The following KCNJ9 variants were observed in gnomAD, a reference collection of about 807,000 sequenced individuals.
KCNJ9 encodes potassium inwardly rectifying channel subfamily J member 9.
KCNJ9 carries 18 observed loss-of-function variants against 27.9 expected under a neutral mutation model. The observed-to-expected ratio is 0.65, with a 90% CI of 0.45 to 0.96. The LOEUF (loss-of-function observed/expected upper bound fraction) is 0.96. Among genes scored for constraint, KCNJ9 ranks in the 40% least tolerant of loss-of-function variants. The pLI, the probability that KCNJ9 is intolerant of heterozygous loss-of-function variation, is 0.00. For missense variants in KCNJ9, 324 were observed against 557.5 expected (o/e 0.58, Z 4.22); for synonymous variants, 229 against 248.2 (o/e 0.92, Z 0.73).
chr1:160,084,820 G>T lies in KCNJ9; in HGVS notation c.790G>T (p.Ala264Ser). The T allele has an allele frequency of 6.5e-7, 1 of 1,548,636 alleles. No homozygotes were observed. Among genetic ancestry groups the T allele is most frequent in the Non-Finnish European group, 8.7e-7 (1 of 1,146,076 alleles). ...CCCCTTCTGGGAGGCGTCGCGCCGTGCCCTCGAGAGGGACGACTTCGAGAT... is the reference window on the plus strand; with the variant it reads ...CCCCTTCTGGGAGGCGTCGCGCCGTTCCCTCGAGAGGGACGACTTCGAGAT... ...ASPFWEASRR[A>S]LERDDFEIVV... is the part of the protein sequence containing the mutation. Residue 264 changes from alanine (A) to serine (S), a missense_variant, in exon 2 of 3, where the codon GCC becomes TCC. Ala to Ser is a moderately conservative substitution (Grantham distance 99). This residue lies in a region of KCNJ9 where 241 missense variants were observed against 481.7 expected (regional missense o/e 0.50). Coordinates refer to ENST00000368088, the MANE Select transcript of KCNJ9 (RefSeq NM_004983.3).
rs1649740083 is a variant in KCNJ9 at position 160,084,430 on chromosome 1, G to A, written c.400G>A (p.Glu134Lys). ...CCGCGTCATCACCGACCAGTGCCCC[G>A]AGGGCATCGTGCTGCTGCTGCTGCA... is the stretch of plus-strand genomic sequence containing the variant. ...GHRVITDQCP[E>K]GIVLLLLQAI... Residue 134 changes from glutamate (E) to lysine (K), a missense_variant, in exon 2 of 3, where the codon GAG becomes AAG. Transcript: ENST00000368088. 1.2e-6 allele frequency: 2 copies of A among 1,613,556 alleles called. No homozygotes were observed. Among genetic ancestry groups the A allele is most frequent in the Non-Finnish European group, 1.7e-6 (2 of 1,179,864 alleles).
intron 2 of KCNJ9, 51 bp downstream of exon 2, chr1:160,084,931 C>G: frequency 6.8e-7 from 1 of 1,474,172 alleles, no homozygotes; most frequent in Admixed American, 2.1e-5. Context: ...GTGGGCGGGA[C>G]CGAGGAAGGC....
intron 2 of KCNJ9, among the ~76,000 whole-genome samples, chr1:160,085,932 C>T (rs1170254095): frequency 6.6e-6 from 1 of 152,200 alleles, no homozygotes; most frequent in Non-Finnish European, 1.5e-5. Context: ...CCCAGCTCCG[C>T]ATCACTGTTC....
Position 160,084,439 on chromosome 1 carries a change from GTGC to G in KCNJ9, c.422_424del (p.Leu141del), listed in dbSNP as rs766862369. On this transcript the variant is annotated inframe_deletion, in exon 2 of 3. Transcript: ENST00000368088. ...CACCGACCAGTGCCCCGAGGGCATC[GTGC>G]TGCTGCTGCTGCAGGCCATCCTGGG... is the stretch of plus-strand genomic sequence containing the variant. 6 of 1,613,370 alleles carry G rather than the reference GTGC, an allele frequency of 3.7e-6. No individual in the cohort carries two copies. The highest frequency in any genetic ancestry group is 2.5e-6 in the Non-Finnish European group (3 of 1,179,700).
Position 160,084,666 on chromosome 1 carries a change from G to C in KCNJ9, c.636G>C (p.Ser212=), listed in dbSNP as rs750138341. ...EASIRAKLIR[S]RQTLEGEFIP... is the part of the protein sequence containing the mutation. Reference sequence around the variant, plus strand: ...CCATCCGCGCCAAGCTCATCCGCTCGCGCCAGACGCTGGAGGGCGAGTTCA... The same window carrying C: ...CCATCCGCGCCAAGCTCATCCGCTCCCGCCAGACGCTGGAGGGCGAGTTCA... The change falls in exon 2 of 3, where the codon TCG becomes TCC. Residue 212 remains serine (S), a synonymous_variant. Transcript: ENST00000368088. The C allele has an allele frequency of 2.5e-6, 4 of 1,595,376 alleles. No individual in the cohort carries two copies. In the African/African-American group the frequency reaches 5.4e-5, roughly 21 times the overall value.
rs1159274463 is a variant in KCNJ9 at position 160,090,223 on chromosome 1, A to C, written c.*2406A>C. ...GGATTCATTTGGGTTTCAGTAAAAC[A>C]GGGGGGTCTGGACAAGAGCGGGTGG... On this transcript the variant is annotated 3_prime_UTR_variant, in exon 3 of 3. Transcript: ENST00000368088. 1 of 152,230 alleles carries C rather than the reference A, an allele frequency of 6.6e-6. No individual in the cohort carries two copies. The highest frequency in any genetic ancestry group is 2.4e-5 in the African/African-American group (1 of 41,430). The allele number at this position is 152,230 out of a possible 1,614,324, so 9.4% of individuals were successfully genotyped here. A position where few individuals can be genotyped will look rare whatever the true frequency, so the allele number is the denominator to read the frequency against.
chr1:160,082,672 C>T (rs1649703046), intron 1 of KCNJ9, among the ~76,000 whole-genome samples: 1 of 152,216 alleles, frequency 6.6e-6, no homozygotes, highest in South Asian at 2.1e-4. Context: ...CCTCCATCCC[C>T]CACCCACTAG....
chr1:160,082,677 C>T (rs533365614), intron 1 of KCNJ9, among the ~76,000 whole-genome samples: 1 of 152,338 alleles, frequency 6.6e-6, no homozygotes, highest in South Asian at 2.1e-4. Context: ...ATCCCCCACC[C>T]ACTAGCCAGC....
chr1:160,084,064 C>A lies in KCNJ9; in HGVS notation c.34C>A (p.Gln12Lys). ...AQENAAFSPG[Q>K]EEPPRRRGRQ... ...GGAGAACGCGGCCTTCTCGCCCGGG[C>A]AGGAGGAGCCGCCGCGGCGCCGCGG... The change falls in exon 2 of 3, where the codon CAG becomes AAG. Residue 12 changes from glutamine (Q) to lysine (K), a missense_variant. By Grantham distance (53) the Gln-to-Lys change is moderately conservative. Around this residue, in one of 3 missense-constraint regions of KCNJ9, gnomAD observed 32 missense variants for 31.7 expected, o/e 1.01. Transcript: ENST00000368088. The A allele has an allele frequency of 6.5e-7, 1 of 1,532,640 alleles. No individual in the cohort carries two copies. Among genetic ancestry groups the A allele is most frequent in the South Asian group, 1.2e-5 (1 of 83,682 alleles). The allele number at this position is 1,532,640 out of a possible 1,614,324, so 94.9% of individuals were successfully genotyped here.
chr1:160,084,841 G>A lies in KCNJ9; in HGVS notation c.811G>A (p.Glu271Lys). ...CCGTGCCCTCGAGAGGGACGACTTC[G>A]AGATCGTCGTTATCCTCGAGGGCAT... ...SRRALERDDF[E>K]IVVILEGMVE... The change falls in exon 2 of 3, where the codon GAG (glutamate) becomes AAG (lysine). Residue 271 changes from glutamate (E) to lysine (K), a missense_variant. Coordinates refer to ENST00000368088, the MANE Select transcript of KCNJ9 (RefSeq NM_004983.3). 6.5e-7 allele frequency: 1 copy of A among 1,542,402 alleles called. No individual in the cohort carries two copies.
intron 2 of KCNJ9, among the ~76,000 whole-genome samples, chr1:160,085,905 C>A (rs1356824331): frequency 6.6e-6 from 1 of 152,214 alleles, no homozygotes; most frequent in Non-Finnish European, 1.5e-5. Context: ...GGCTGAGACT[C>A]CGCTTCACAC....
At chr1:160,086,247 C>T (rs891200207) in intron 2 of KCNJ9, among the ~76,000 whole-genome samples, 19 of 152,172 alleles carry the variant, frequency 1.2e-4, no homozygotes, top group African/African-American at 3.9e-4. Context: ...AGCCACTCTC[C>T]GGTTAGCTAA....
intron 2 of KCNJ9, among the ~76,000 whole-genome samples, chr1:160,085,973 T>G (rs1179275329): frequency 1.3e-5 from 2 of 152,126 alleles, no homozygotes; most frequent in African/African-American, 4.8e-5. Context: ...CTCTTTCCTC[T>G]TCCCCCACTC....
rs1208064450 is a variant in KCNJ9 at position 160,084,551 on chromosome 1, C to A, written c.521C>A (p.Ser174Tyr). 6.2e-7 allele frequency: 1 copy of A among 1,611,856 alleles called. No individual in the cohort carries two copies. Among genetic ancestry groups the A allele is most frequent in the Non-Finnish European group, 8.5e-7 (1 of 1,179,036 alleles). Residue 174 changes from serine (S) to tyrosine (Y), a missense_variant, in exon 2 of 3, where the codon TCC becomes TAC. Physicochemically the swap from Ser to Tyr is moderately radical, Grantham distance 144 (BLOSUM62 -2). Coordinates refer to ENST00000368088, the MANE Select transcript of KCNJ9 (RefSeq NM_004983.3). ...AAGCGCGCAGCCACGCTCGTCTTCT[C>A]CTCGCACGCCGTGGTGTCGCTGCGC... ...PNKRAATLVFSSHAVVSLRDG... is the reference protein window; with the variant it reads ...PNKRAATLVFYSHAVVSLRDG...
At position 160,088,063 on chromosome 1, in the gene KCNJ9, C is replaced by T. The variant is rs952738273; in HGVS notation, c.*246C>T. 2.4e-6 allele frequency: 1 copy of T among 411,328 alleles called. No individual in the cohort carries two copies. The highest frequency in any genetic ancestry group is 3.6e-5 in the East Asian group (1 of 27,738). The allele number at this position is 411,328 out of a possible 1,614,324, so 25.5% of individuals were successfully genotyped here. A position where few individuals can be genotyped will look rare whatever the true frequency, so the allele number is the denominator to read the frequency against. On this transcript the variant is annotated 3_prime_UTR_variant, in exon 3 of 3. Coordinates refer to ENST00000368088, the MANE Select transcript of KCNJ9 (RefSeq NM_004983.3). ...AATGCCAGTCTGTGTTTGACCTTCA[C>T]ATTTGTTCATGAGTGGATGGATGGA...
chr1:160,084,211 CTGT>C lies in KCNJ9; in HGVS notation c.186_188del (p.Leu62del), dbSNP rs1649734651. ...GGTGGACCTGCAGTGGCGCCTCAGC[CTGT>C]TGTTCTTCGTCCTGGCCTACGCGCT... On this transcript the variant is annotated inframe_deletion, in exon 2 of 3. Coordinates refer to ENST00000368088, the MANE Select transcript of KCNJ9 (RefSeq NM_004983.3). 2 of 1,612,924 alleles carry C rather than the reference CTGT, an allele frequency of 1.2e-6. No individual in the cohort carries two copies. The highest frequency in any genetic ancestry group is 1.7e-6 in the Non-Finnish European group (2 of 1,179,600).
At position 160,084,650 on chromosome 1, in the gene KCNJ9, C is replaced by G. The variant is rs1471106594; in HGVS notation, c.620C>G (p.Ala207Gly). The G allele has an allele frequency of 6.2e-7, 1 of 1,600,272 alleles. No individual in the cohort carries two copies. Among genetic ancestry groups the G allele is most frequent in the Non-Finnish European group, 8.5e-7 (1 of 1,173,598 alleles). ...SSHIVEASIRAKLIRSRQTLE... is the reference protein window; with the variant it reads ...SSHIVEASIRGKLIRSRQTLE... ...CACATAGTGGAGGCCTCCATCCGCG[C>G]CAAGCTCATCCGCTCGCGCCAGACG... Residue 207 changes from alanine to glycine, a missense_variant, in exon 2 of 3, where the codon GCC (alanine) becomes GGC (glycine). Coordinates refer to ENST00000368088, the MANE Select transcript of KCNJ9 (RefSeq NM_004983.3).
At chr1:160,082,392 C>G (rs1389350540) in intron 1 of KCNJ9, among the ~76,000 whole-genome samples, 2 of 152,202 alleles carry the variant, frequency 1.3e-5, no homozygotes, top group Non-Finnish European at 2.9e-5. Flanking sequence ...CCATGGGGCT[C>G]TTGGACCCTG....
intron 2 of KCNJ9, 42 bp from the exon 3 acceptor site, chr1:160,087,444 C>T (rs1283701686): frequency 1.3e-6 from 2 of 1,551,736 alleles, no homozygotes; most frequent in African/African-American, 1.4e-5. Context: ...GAGAGGGAAG[C>T]CTGGAGCTGA....
Sources: allele counts gnomAD v4.1 joint callset (sites outside exome capture counted in the v4.1 genomes callset), GRCh38; gene constraint gnomAD v4.1.1; regional missense constraint gnomAD v4.1.1; transcripts MANE v1.5; gene names NCBI Gene and HGNC (gene_info 2026-07-23, HGNC 2026-07-21).